The following NCF2 variants were observed in gnomAD, a reference collection of about 807,000 sequenced individuals.
The protein encoded by NCF2 is neutrophil cytosolic factor 2.
In NCF2, 45 loss-of-function variants were observed where a neutral mutation model predicts 70.9. The observed-to-expected ratio is 0.63, with a 90% CI of 0.50 to 0.81. NCF2 has a LOEUF of 0.81. Ranked by LOEUF, NCF2 falls within the 40% of genes least tolerant of loss-of-function variation. The pLI, the probability that NCF2 is intolerant of heterozygous loss-of-function variation, is 0.00. For missense variants in NCF2, 522 were observed against 631.6 expected, an observed-to-expected ratio of 0.83 and a Z score of 1.86; for synonymous variants, 203 against 233.6, an observed-to-expected ratio of 0.87 and a Z score of 1.19.
chr1:183,601,486 AT>A, the NCF2 span, among the ~76,000 whole-genome samples: 13 of 152,150 alleles, frequency 8.5e-5, no homozygotes, highest in African/African-American at 1.4e-4. Flanking sequence ...TCTAATGTGC[AT>A]TTTTTTAAAA....
chr1:183,560,770 A>G (rs929868507), intron 13 of NCF2, among the ~76,000 whole-genome samples: 1 of 152,256 alleles, frequency 6.6e-6, no homozygotes, highest in Non-Finnish European at 1.5e-5. Context: ...CCTGGGATAA[A>G]TGAAACCAAA....
At chr1:183,573,384 T>C in intron 4 of NCF2, 92 bp from the exon 5 acceptor site, 2 of 1,152,642 alleles carry the variant, frequency 1.7e-6, no homozygotes, top group Non-Finnish European at 2.6e-6. Context: ...CAAGAATTCA[T>C]TGAGATAACC....
chr1:183,559,270 C>A (rs1162843636), intron 14 of NCF2, among the ~76,000 whole-genome samples: 2 of 152,184 alleles, frequency 1.3e-5, no homozygotes, highest in Non-Finnish European at 2.9e-5. Flanking sequence ...TCAAGTGATC[C>A]TCCTACCTCA....
chr1:183,574,561 G>C lies in NCF2; in HGVS notation c.427C>G (p.Gln143Glu). Residue 143 changes from glutamine to glutamate, a missense_variant, in exon 4 of 15, where the codon CAG becomes GAG. Transcript: ENST00000367535. ...KKEEWKKAEE[Q>E]LALATSMKSE... ...TTCATGCTCGTGGCCAATGCTAACT[G>C]TTCTTCAGCTTTTTTCCATTCCTCC... 2 of 1,614,130 alleles carry C rather than the reference G, an allele frequency of 1.2e-6. No individual in the cohort carries two copies. Among genetic ancestry groups the C allele is most frequent in the Non-Finnish European group, 1.7e-6 (2 of 1,180,002 alleles).
At chr1:183,579,861 T>C (rs1672981235) in intron 2 of NCF2, among the ~76,000 whole-genome samples, 1 of 152,002 alleles carries the variant, frequency 6.6e-6, no homozygotes, top group Admixed American at 6.6e-5. Context: ...CACACCATAA[T>C]TTTTTTACTA....
At chr1:183,573,994 G>T (rs1327615771) in intron 4 of NCF2, among the ~76,000 whole-genome samples, 1 of 152,228 alleles carries the variant, frequency 6.6e-6, no homozygotes, top group African/African-American at 2.4e-5. Flanking sequence ...GGCGGCTGAG[G>T]CAGCAGAATT....
chr1:183,587,322 G>A (rs764069114), intron 1 of NCF2, among the ~76,000 whole-genome samples: 21 of 152,062 alleles, frequency 1.4e-4, no homozygotes, highest in South Asian at 4.1e-4. Context: ...TCCCAGGTGC[G>A]GTTGCTCACA....
intron 14 of NCF2, among the ~76,000 whole-genome samples, chr1:183,558,363 G>T (rs1264988851): frequency 1.3e-5 from 2 of 150,700 alleles, no homozygotes; most frequent in African/African-American, 2.4e-5. Flanking sequence ...CTCCTCCTGG[G>T]TTCAAGAGAT....
chr1:183,597,411 C>T, the NCF2 span, among the ~76,000 whole-genome samples: 14 of 152,040 alleles, frequency 9.2e-5, no homozygotes, highest in South Asian at 2.1e-4. Flanking sequence ...TACAAAAAAG[C>T]GGAGGGGGCA....
Position 183,577,630 on chromosome 1 carries a change from A to G in NCF2, c.335T>C (p.Leu112Pro). ...GGCAAACAGCTTGAACTGGAGCCCC[A>G]GGATCTTATAGTCTATCAGCTGGTT... ...RGNQLIDYKI[L>P]GLQFKLFACE... The change falls in exon 3 of 15, where the codon CTG becomes CCG. Residue 112 changes from leucine to proline, a missense_variant. Leu to Pro is a moderately conservative substitution (Grantham distance 98, BLOSUM62 -3). Coordinates refer to ENST00000367535, the MANE Select transcript of NCF2 (RefSeq NM_000433.4). 1 of 1,613,978 alleles carries G rather than the reference A, an allele frequency of 6.2e-7. No individual in the cohort carries two copies. The highest frequency in any genetic ancestry group is 2.2e-5 in the East Asian group (1 of 44,876).
chr1:183,600,086 T>C, the NCF2 span, among the ~76,000 whole-genome samples: 2 of 152,206 alleles, frequency 1.3e-5, no homozygotes, highest in African/African-American at 2.4e-5. Flanking sequence ...TATCAACATG[T>C]ACATCAGAAT....
the NCF2 span, among the ~76,000 whole-genome samples, chr1:183,601,296 T>G: frequency 6.6e-6 from 1 of 152,332 alleles, no homozygotes; most frequent in Middle Eastern, 3.4e-3. Flanking sequence ...TTTATGGCTG[T>G]GTAATTTTCT....
intron 2 of NCF2, among the ~76,000 whole-genome samples, chr1:183,578,417 G>A (rs1672903510): frequency 6.6e-6 from 1 of 151,884 alleles, no homozygotes; most frequent in East Asian, 1.9e-4. Context: ...GAGTGCAGTG[G>A]TGGGATTTCA....
Position 183,570,802 on chromosome 1 carries a change from C to G in NCF2, c.647G>C (p.Gly216Ala). Residue 216 changes from glycine to alanine, a missense_variant, in exon 6 of 15, where the codon GGG becomes GCG. Physicochemically the swap from Gly to Ala is moderately conservative, Grantham distance 60. Transcript: ENST00000367535. ...ASVVDQDSFS[G>A]FAPLQPQAAE... ...TACCTGTGGTTGCAGAGGGGCAAAC[C>G]CAGAGAAACTGTCTTGATCCACCAC... The G allele has an allele frequency of 1.2e-6, 2 of 1,614,138 alleles. No homozygotes were observed. Among genetic ancestry groups the G allele is most frequent in the Non-Finnish European group, 8.5e-7 (1 of 1,180,020 alleles).
upstream of NCF2, among the ~76,000 whole-genome samples, chr1:183,595,248 T>C (rs976185665): frequency 6.6e-6 from 1 of 152,186 alleles, no homozygotes; most frequent in Non-Finnish European, 1.5e-5. Flanking sequence ...CCTCATTTAT[T>C]AGATATAAAC....
intron 14 of NCF2, among the ~76,000 whole-genome samples, chr1:183,558,657 C>T (rs1049354624): frequency 9.9e-5 from 15 of 152,018 alleles, no homozygotes; most frequent in Admixed American, 2.6e-4. Context: ...CCTCCACTCC[C>T]GGGTTCAAGC....
chr1:183,590,383 A>G lies in NCF2; in HGVS notation c.-54T>C. On this transcript the variant is annotated 5_prime_UTR_variant, in exon 1 of 15. Coordinates refer to ENST00000367535, the MANE Select transcript of NCF2 (RefSeq NM_000433.4). ...AGCTGCCAGGAGACAGAGAGAAGAC[A>G]GGTTGGAGCGTCTCCCCTAGCAGGG... 6.2e-7 allele frequency: 1 copy of G among 1,606,404 alleles called. No homozygotes were observed. Among genetic ancestry groups the G allele is most frequent in the Non-Finnish European group, 8.5e-7 (1 of 1,173,804 alleles).
upstream of NCF2, among the ~76,000 whole-genome samples, chr1:183,592,232 A>G (rs1277326372): frequency 6.6e-6 from 1 of 152,234 alleles, no homozygotes; most frequent in Non-Finnish European, 1.5e-5. Flanking sequence ...GTAGGATTGA[A>G]GGTGTGAGAA....
At chr1:183,599,463 T>TTTCTTTCA in the NCF2 span, among the ~76,000 whole-genome samples, 3 of 142,238 alleles carry the variant, frequency 2.1e-5, no homozygotes, top group South Asian at 2.3e-4. Flanking sequence ...TCTTTCTTTC[T>TTTCTTTCA]TTCTTTCTTT....
Sources: allele counts gnomAD v4.1 joint callset (sites outside exome capture counted in the v4.1 genomes callset), GRCh38; gene constraint gnomAD v4.1.1; transcripts MANE v1.5; gene names NCBI Gene and HGNC (gene_info 2026-07-23, HGNC 2026-07-21).